The following DPP10 variants were observed in gnomAD, a reference collection of about 807,000 sequenced individuals.
The protein encoded by DPP10 is inactive dipeptidyl peptidase 10.
Under a neutral mutation model 120.9 loss-of-function variants are expected in DPP10, and 33 were observed. That is an observed-to-expected ratio of 0.27 (90% CI 0.21 to 0.37). DPP10 has a LOEUF of 0.37. Ranked by LOEUF, DPP10 falls within the 10% of genes least tolerant of loss-of-function variation. The pLI is 1.00. For missense variants in DPP10, 816 were observed against 942.8 expected (o/e 0.87, Z 1.76); for synonymous variants, 337 against 326.1 (o/e 1.03, Z -0.36).
At chr2:114,982,710 C>G (rs1262268682) in intron 1 of DPP10, among the ~76,000 whole-genome samples, 2 of 151,918 alleles carry the variant, frequency 1.3e-5, no homozygotes, top group Non-Finnish European at 2.9e-5. Flanking sequence ...AATCCATCCT[C>G]CCACCTCAGC....
intron 1 of DPP10, among the ~76,000 whole-genome samples, chr2:114,509,144 A>ATTT (rs1683928543): frequency 1.3e-5 from 2 of 152,204 alleles, no homozygotes; most frequent in African/African-American, 4.8e-5. Context: ...TCAGTACTGT[A>ATTT]AGATGCCACA....
intron 1 of DPP10, among the ~76,000 whole-genome samples, chr2:115,232,193 C>A (rs1024299940): frequency 6.6e-6 from 1 of 152,086 alleles, no homozygotes; most frequent in Admixed American, 6.6e-5. Flanking sequence ...TAGCCTGGGT[C>A]TCTACTCCAG....
intron 19 of DPP10, among the ~76,000 whole-genome samples, chr2:115,808,967 A>G (rs1686330149): frequency 6.6e-6 from 1 of 152,196 alleles, no homozygotes; most frequent in African/African-American, 2.4e-5. Flanking sequence ...TATGACTTAT[A>G]AAAAAAGGAA....
In DPP10 at chr2:114,571,520, C is replaced by T. The variant is rs186983230; in HGVS notation, c.60+128682C>T. ...TATCAATGAGAGAACAGACTAATACCTTTAACATACGTGTAATGCCATCCC... is the reference window on the plus strand; with the variant it reads ...TATCAATGAGAGAACAGACTAATACTTTTAACATACGTGTAATGCCATCCC... On this transcript the variant is annotated intron_variant, in intron 1 of 25. Transcript: ENST00000410059. Among the ~76,000 whole-genome samples, 5 of 152,074 alleles carry T rather than the reference C, an allele frequency of 3.3e-5. No homozygotes were observed. The East Asian group carries it at 7.7e-4, about 23-fold the overall frequency.
chr2:115,232,864 T>C (rs935863698), intron 1 of DPP10, among the ~76,000 whole-genome samples: 6 of 152,190 alleles, frequency 3.9e-5, no homozygotes, highest in African/African-American at 1.4e-4. Flanking sequence ...GTGTATGTTA[T>C]TATTATGTTC....
chr2:114,847,301 C>T (rs1036944454), intron 1 of DPP10, among the ~76,000 whole-genome samples: 1 of 152,090 alleles, frequency 6.6e-6, no homozygotes, highest in Non-Finnish European at 1.5e-5. Flanking sequence ...ATACTGGTCA[C>T]CCTGATCTTC....
intron 1 of DPP10, among the ~76,000 whole-genome samples, chr2:114,563,210 A>C (rs1024552211): frequency 6.6e-6 from 1 of 152,126 alleles, no homozygotes; most frequent in Non-Finnish European, 1.5e-5. Context: ...CATCTTTACT[A>C]AAAACACAAA....
At chr2:115,445,270 T>G (rs568314613) in intron 3 of DPP10, among the ~76,000 whole-genome samples, 2 of 152,112 alleles carry the variant, frequency 1.3e-5, no homozygotes, top group Non-Finnish European at 2.9e-5. Context: ...ATATAAGAAA[T>G]TTGTACCAGA....
intron 7 of DPP10, among the ~76,000 whole-genome samples, chr2:115,698,148 A>C (rs974872396): frequency 1.1e-4 from 17 of 152,308 alleles, no homozygotes; most frequent in African/African-American, 2.9e-4. Context: ...ATAGCTTTTA[A>C]AAAATTATCA....
chr2:115,359,321 T>G (rs867232140), intron 3 of DPP10, among the ~76,000 whole-genome samples: 4 of 152,212 alleles, frequency 2.6e-5, no homozygotes, highest in South Asian at 2.1e-4. Flanking sequence ...AAGACTGTTT[T>G]GGTGATAATA....
intron 3 of DPP10, among the ~76,000 whole-genome samples, chr2:115,424,490 A>G (rs1169093520): frequency 1.3e-5 from 2 of 152,058 alleles, no homozygotes; most frequent in African/African-American, 4.8e-5. Flanking sequence ...AAAACAAAAA[A>G]AAAGAAGTCA....
intron 1 of DPP10, among the ~76,000 whole-genome samples, chr2:115,263,078 C>T (rs926905481): frequency 6.6e-6 from 1 of 152,120 alleles, no homozygotes; most frequent in African/African-American, 2.4e-5. Flanking sequence ...TGTCCAAGAG[C>T]AAGTCATTTC....
intron 1 of DPP10, among the ~76,000 whole-genome samples, chr2:114,783,114 A>AT (rs1682472594): frequency 6.6e-6 from 1 of 152,206 alleles, no homozygotes; most frequent in Admixed American, 6.5e-5. Flanking sequence ...AAGGGTTTAA[A>AT]GATATGTAAT....
At chr2:115,383,911 T>A (rs1415184553) in intron 3 of DPP10, among the ~76,000 whole-genome samples, 2 of 152,180 alleles carry the variant, frequency 1.3e-5, no homozygotes, top group Non-Finnish European at 2.9e-5. Flanking sequence ...TGTATCTTTT[T>A]AAAAACTTAA....
chr2:115,194,479 G>A (rs2105251391), intron 1 of DPP10, among the ~76,000 whole-genome samples: 1 of 152,268 alleles, frequency 6.6e-6, no homozygotes. Flanking sequence ...TCGTGCTTTT[G>A]GGTAAGTATT....
At chr2:114,489,947 T>C (rs1473236236) in intron 1 of DPP10, among the ~76,000 whole-genome samples, 1 of 152,208 alleles carries the variant, frequency 6.6e-6, no homozygotes, top group Non-Finnish European at 1.5e-5. Context: ...ATAATACCTG[T>C]AAAACCCTTA....
intron 1 of DPP10, among the ~76,000 whole-genome samples, chr2:114,889,818 G>A (rs781233820): frequency 6.6e-6 from 1 of 152,016 alleles, no homozygotes; most frequent in Non-Finnish European, 1.5e-5. Flanking sequence ...TTTTCTTCAT[G>A]TTTTGCAGTA....
chr2:114,595,785 G>A (rs574428565), intron 1 of DPP10, among the ~76,000 whole-genome samples: 1 of 152,084 alleles, frequency 6.6e-6, no homozygotes, highest in South Asian at 2.1e-4. Context: ...TAAACAAAGA[G>A]CTTTTCAGTG....
chr2:114,552,482 G>A (rs550205168), intron 1 of DPP10, among the ~76,000 whole-genome samples: 3 of 152,210 alleles, frequency 2.0e-5, no homozygotes, highest in Non-Finnish European at 4.4e-5. Flanking sequence ...TGGAATAAAC[G>A]TAATGCCTAC....
Sources: gnomAD v4.1 joint callset for allele counts (sites outside exome capture counted in the v4.1 genomes callset) on GRCh38, gnomAD v4.1.1 for gene constraint, MANE v1.5 for transcripts, NCBI Gene and HGNC (gene_info 2026-07-23, HGNC 2026-07-21) for gene names.